The following MAST4 variants were observed in gnomAD, a reference collection of about 807,000 sequenced individuals.
The protein encoded by MAST4 is microtubule-associated serine/threonine-protein kinase 4.
In MAST4, 89 loss-of-function variants were observed where a neutral mutation model predicts 162.7. That is an observed-to-expected ratio of 0.55 (90% CI 0.46 to 0.65). MAST4 has a LOEUF of 0.65. MAST4 is among the 30% of genes least tolerant of loss of function. The pLI is 0.00. For missense variants in MAST4, 3,153 were observed against 3,374.0 expected (o/e 0.93, Z 1.62); for synonymous variants, 1,479 against 1,361.1 (o/e 1.09, Z -1.91).
At position 67,139,101 on chromosome 5, in the gene MAST4, C is replaced by G. The variant is rs539059434; in HGVS notation, c.2494+2437C>G. 2.6e-5 allele frequency among the ~76,000 whole-genome samples: 4 copies of G among 152,264 alleles called. No individual in the cohort carries two copies. In the South Asian group the frequency reaches 8.3e-4, roughly 32 times the overall value. On this transcript the variant is annotated intron_variant, in intron 19 of 28. Coordinates refer to ENST00000403625, the MANE Select transcript of MAST4 (RefSeq NM_001164664.2). ...ATCCAGAAGAGACATTTAAAAGACC[C>G]TACCCAAGCTCTTAGAATTGTCAAG...
At chr5:66,701,381 T>G (rs1749766852) in intron 1 of MAST4, among the ~76,000 whole-genome samples, 1 of 152,214 alleles carries the variant, frequency 6.6e-6, no homozygotes, top group Non-Finnish European at 1.5e-5. Context: ...TTCTTTACAA[T>G]TAGTAAGGTG....
chr5:67,160,355 A>G (rs1442122714), intron 26 of MAST4, 101 bp from the exon 27 acceptor site: 4 of 1,231,954 alleles, frequency 3.2e-6, no homozygotes, highest in Admixed American at 2.7e-5. Flanking sequence ...TTTTATATGT[A>G]TGTTCCTTTC....
chr5:66,786,643 C>A (rs1046144471), intron 2 of MAST4, among the ~76,000 whole-genome samples: 2 of 152,172 alleles, frequency 1.3e-5, no homozygotes, highest in East Asian at 1.9e-4. Flanking sequence ...TCCTGCTCTT[C>A]CTCATTAATT....
chr5:66,842,582 C>G (rs968540159), intron 3 of MAST4, among the ~76,000 whole-genome samples: 4 of 152,120 alleles, frequency 2.6e-5, no homozygotes, highest in African/African-American at 4.8e-5. Flanking sequence ...CATAGAAAAC[C>G]TGTGTCTTCA....
chr5:67,110,989 A>G (rs2150905281), intron 11 of MAST4, among the ~76,000 whole-genome samples: 1 of 152,294 alleles, frequency 6.6e-6, no homozygotes, highest in Non-Finnish European at 1.5e-5. Context: ...GCACCACTGC[A>G]CTCCAGCCTG....
At chr5:66,720,341 C>A (rs1190925855) in intron 1 of MAST4, among the ~76,000 whole-genome samples, 1 of 150,806 alleles carries the variant, frequency 6.6e-6, no homozygotes, top group Non-Finnish European at 1.5e-5. Flanking sequence ...ATAAAAATTC[C>A]ATTAAAAAAA....
chr5:66,620,412 G>A (rs1743999765), intron 1 of MAST4, among the ~76,000 whole-genome samples: 1 of 152,028 alleles, frequency 6.6e-6, no homozygotes, highest in Non-Finnish European at 1.5e-5. Flanking sequence ...TTCTTTATTT[G>A]TAATAATAAA....
intron 3 of MAST4, among the ~76,000 whole-genome samples, chr5:66,833,121 CT>C (rs1176422692): frequency 6.6e-6 from 1 of 152,150 alleles, no homozygotes; most frequent in African/African-American, 2.4e-5. Flanking sequence ...TGGATTTTAA[CT>C]GTAAAATAAA....
At chr5:66,907,265 G>T (rs1763433971) in intron 4 of MAST4, among the ~76,000 whole-genome samples, 2 of 150,116 alleles carry the variant, frequency 1.3e-5, no homozygotes, top group African/African-American at 4.9e-5. Flanking sequence ...CACAGGAACA[G>T]AAGAGGCCAG....
At chr5:66,677,682 G>A (rs1382895337) in intron 1 of MAST4, among the ~76,000 whole-genome samples, 1 of 152,174 alleles carries the variant, frequency 6.6e-6, no homozygotes, top group Non-Finnish European at 1.5e-5. Flanking sequence ...TTTGAGGAAT[G>A]TTCCCGAAGA....
intron 3 of MAST4, among the ~76,000 whole-genome samples, chr5:66,886,823 G>A (rs971900451): frequency 1.3e-5 from 2 of 151,356 alleles, no homozygotes; most frequent in African/African-American, 4.9e-5. Flanking sequence ...GCTTGGAAAT[G>A]ACTTGATTTT....
intron 4 of MAST4, among the ~76,000 whole-genome samples, chr5:67,033,196 A>C (rs1755565744): frequency 6.6e-6 from 1 of 151,686 alleles, no homozygotes; most frequent in African/African-American, 2.4e-5. Flanking sequence ...AGAAAGAAAA[A>C]CACTCTTGCT....
intron 4 of MAST4, among the ~76,000 whole-genome samples, chr5:67,030,757 T>C (rs1232027063): frequency 6.6e-6 from 1 of 152,158 alleles, no homozygotes; most frequent in Non-Finnish European, 1.5e-5. Context: ...TTTTTTTATC[T>C]TGGGTGTTTG....
chr5:66,835,524 T>G (rs1342838416), intron 3 of MAST4, among the ~76,000 whole-genome samples: 2 of 152,190 alleles, frequency 1.3e-5, no homozygotes, highest in African/African-American at 4.8e-5. Context: ...GATATTGCAT[T>G]TAAAACAATA....
chr5:66,813,209 T>C (rs1756558890), intron 3 of MAST4, among the ~76,000 whole-genome samples: 1 of 152,246 alleles, frequency 6.6e-6, no homozygotes, highest in Non-Finnish European at 1.5e-5. Context: ...AAGACTTTTC[T>C]ATTAAATTGA....
chr5:67,024,099 T>C (rs1190750863), intron 4 of MAST4, among the ~76,000 whole-genome samples: 1 of 150,436 alleles, frequency 6.6e-6, no homozygotes, highest in African/African-American at 2.4e-5. Context: ...CATTCTAACT[T>C]TCTGTCTCTA....
At chr5:67,138,866 C>G (rs963080026) in intron 19 of MAST4, among the ~76,000 whole-genome samples, 1 of 152,138 alleles carries the variant, frequency 6.6e-6, no homozygotes, top group Non-Finnish European at 1.5e-5. Flanking sequence ...TAAGGATGTT[C>G]AGCCTGTATT....
At chr5:66,864,411 C>A (rs1347332772) in intron 3 of MAST4, among the ~76,000 whole-genome samples, 2 of 152,012 alleles carry the variant, frequency 1.3e-5, no homozygotes, top group African/African-American at 4.8e-5. Flanking sequence ...AAGTAAGAGC[C>A]GGGAGCGGGC....
At chr5:66,783,641 T>C (rs1754978655) in intron 2 of MAST4, among the ~76,000 whole-genome samples, 1 of 152,152 alleles carries the variant, frequency 6.6e-6, no homozygotes. Context: ...GGCACACCTT[T>C]GGTCTTGTTA....
Sources: gnomAD v4.1 joint callset for allele counts (sites outside exome capture counted in the v4.1 genomes callset) on GRCh38, gnomAD v4.1.1 for gene constraint, MANE v1.5 for transcripts, NCBI Gene and HGNC (gene_info 2026-07-23, HGNC 2026-07-21) for gene names.